The following SLC25A26 variants were observed in gnomAD, a reference collection of about 807,000 sequenced individuals.
SLC25A26 encodes mitochondrial S-adenosylmethionine carrier protein.
SLC25A26 carries 36 observed loss-of-function variants against 37.8 expected under a neutral mutation model. The observed-to-expected ratio is 0.95, with a 90% confidence interval of 0.73 to 1.26. SLC25A26 has a LOEUF of 1.26. Ranked by LOEUF, SLC25A26 falls within the 50% of genes most tolerant of loss-of-function variation. The probability of loss-of-function intolerance (pLI) is 0.00; values close to 1 mark genes in which losing one functional copy is unlikely to be tolerated. For missense variants in SLC25A26, 390 were observed against 331.1 expected (o/e 1.18, Z -1.38); for synonymous variants, 129 against 122.5 (o/e 1.05, Z -0.35).
intron 7 of SLC25A26, among the ~76,000 whole-genome samples, chr3:66,368,484 T>C (rs1049370398): frequency 1.3e-5 from 2 of 152,086 alleles, no homozygotes; most frequent in African/African-American, 2.4e-5. Flanking sequence ...AAGGAAGCCA[T>C]AATGTGGAAT....
chr3:66,151,174 C>T (rs565900133), intron 1 of SLC25A26, among the ~76,000 whole-genome samples: 13 of 152,178 alleles, frequency 8.5e-5, no homozygotes, highest in East Asian at 3.9e-4. Flanking sequence ...AGAGTGATGA[C>T]GATGTTACAT....
At chr3:66,280,299 A>G (rs1333205941) in intron 5 of SLC25A26, among the ~76,000 whole-genome samples, 1 of 152,174 alleles carries the variant, frequency 6.6e-6, no homozygotes, top group East Asian at 1.9e-4. Context: ...CAGATGAGGT[A>G]CTTTTCATAT....
intron 5 of SLC25A26, among the ~76,000 whole-genome samples, chr3:66,266,890 C>T (rs13084982): frequency 0.16 from 24,439 of 152,026 alleles, 2,414 homozygotes; most frequent in Non-Finnish European, 0.23. Flanking sequence ...CAGCCTCATA[C>T]TCTTGGATGT....
chr3:66,152,662 A>G (rs1487565511), intron 1 of SLC25A26, among the ~76,000 whole-genome samples: 1 of 145,424 alleles, frequency 6.9e-6, no homozygotes, highest in Non-Finnish European at 1.5e-5. Context: ...CTTAACTACA[A>G]TTTGACTAAC....
At chr3:66,377,626 G>C in intron 9 of SLC25A26, 64 bp from the exon 10 acceptor site, 1 of 1,281,908 alleles carries the variant, frequency 7.8e-7, no homozygotes, top group South Asian at 1.2e-5. Context: ...GCAAGCTGTG[G>C]GTATTGGAAT....
chr3:66,181,249 T>C (rs1280747940), intron 1 of SLC25A26, among the ~76,000 whole-genome samples: 1 of 152,210 alleles, frequency 6.6e-6, no homozygotes, highest in Non-Finnish European at 1.5e-5. Context: ...TAGCAGGTAG[T>C]GGAGTGGTTA....
At chr3:66,287,291 G>A (rs1183674384) in intron 5 of SLC25A26, among the ~76,000 whole-genome samples, 20 of 142,590 alleles carry the variant, frequency 1.4e-4, no homozygotes, top group Non-Finnish European at 1.4e-4. Flanking sequence ...GCGAGACTCC[G>A]TCTCAAAAAA....
intron 1 of SLC25A26, among the ~76,000 whole-genome samples, chr3:66,141,030 A>C (rs2070025506): frequency 6.7e-6 from 1 of 149,506 alleles, no homozygotes; most frequent in East Asian, 2.0e-4. Context: ...AGCTATTGTT[A>C]CACTTCAGTA....
intron 1 of SLC25A26, among the ~76,000 whole-genome samples, chr3:66,173,478 G>A (rs145763646): frequency 0.13 from 19,318 of 152,158 alleles, 1,457 homozygotes; most frequent in Middle Eastern, 0.21. Context: ...TTCATAAGCC[G>A]GGAGTGGATG....
chr3:66,181,096 A>C (rs1231259246), intron 1 of SLC25A26, among the ~76,000 whole-genome samples: 1 of 152,210 alleles, frequency 6.6e-6, no homozygotes, highest in Non-Finnish European at 1.5e-5. Flanking sequence ...ACTGTGAAAA[A>C]ATAAATTTCT....
At chr3:66,349,250 A>G (rs938547935) in intron 6 of SLC25A26, among the ~76,000 whole-genome samples, 10 of 152,042 alleles carry the variant, frequency 6.6e-5, no homozygotes, top group Admixed American at 5.9e-4. Flanking sequence ...TCGTTTCTTG[A>G]GGAACGCTTT....
chr3:66,230,537 C>T (rs1429300374), intron 1 of SLC25A26, among the ~76,000 whole-genome samples: 1 of 152,040 alleles, frequency 6.6e-6, no homozygotes, highest in African/African-American at 2.4e-5. Flanking sequence ...GGCGTGGTGG[C>T]TTATGCCTGT....
At chr3:66,167,983 GTCTCTAC>G (rs1195943128) in intron 1 of SLC25A26, among the ~76,000 whole-genome samples, 1 of 151,654 alleles carries the variant, frequency 6.6e-6, no homozygotes, top group Non-Finnish European at 1.5e-5. Flanking sequence ...GAGAAAGCCC[GTCTCTAC>G]TAAAAATACA....
At chr3:66,219,279 C>T (rs2071408924), upstream of SLC25A26, among the ~76,000 whole-genome samples, 1 of 152,068 alleles carries the variant, frequency 6.6e-6, no homozygotes, top group Non-Finnish European at 1.5e-5. Context: ...GATTCCTGGC[C>T]CCTAATGTGT....
intron 1 of SLC25A26, among the ~76,000 whole-genome samples, chr3:66,214,262 C>A (rs1469472634): frequency 6.6e-6 from 1 of 152,162 alleles, no homozygotes; most frequent in African/African-American, 2.4e-5. Context: ...TGCCTACCCC[C>A]ACCCCACCTT....
chr3:66,163,323 G>C (rs1427047735), intron 1 of SLC25A26, among the ~76,000 whole-genome samples: 2 of 152,264 alleles, frequency 1.3e-5, no homozygotes, highest in South Asian at 4.2e-4. Flanking sequence ...AGATAGACGT[G>C]TTGCAGAGAA....
intron 5 of SLC25A26, among the ~76,000 whole-genome samples, chr3:66,316,748 G>T (rs547704333): frequency 6.6e-6 from 1 of 152,142 alleles, no homozygotes; most frequent in Non-Finnish European, 1.5e-5. Context: ...TCTCTTTCAG[G>T]TACCCCATCA....
At chr3:66,192,238 C>T (rs2070957392) in intron 1 of SLC25A26, among the ~76,000 whole-genome samples, 1 of 148,270 alleles carries the variant, frequency 6.7e-6, no homozygotes, top group Non-Finnish European at 1.5e-5. Context: ...ATCGCTTGCA[C>T]CTGGGAGGCG....
At chr3:66,141,740 C>G (rs1272753231) in intron 1 of SLC25A26, among the ~76,000 whole-genome samples, 2 of 152,134 alleles carry the variant, frequency 1.3e-5, no homozygotes, top group South Asian at 2.1e-4. Context: ...TTTCGAACTC[C>G]CGACCTCAAC....
Sources: allele counts gnomAD v4.1 joint callset (sites outside exome capture counted in the v4.1 genomes callset), GRCh38; gene constraint gnomAD v4.1.1; transcripts MANE v1.5; gene names NCBI Gene and HGNC (gene_info 2026-07-23, HGNC 2026-07-21).